The following SUSD4 variants were observed in gnomAD, a reference collection of about 807,000 sequenced individuals.
SUSD4 encodes sushi domain-containing protein 4.
In SUSD4, 41 loss-of-function variants were observed where a neutral mutation model predicts 50.5. The observed-to-expected ratio is 0.81, with a 90% CI of 0.63 to 1.05. The LOEUF is 1.05. Ranked by LOEUF, SUSD4 falls within the 50% of genes least tolerant of loss-of-function variation. The pLI is 0.00. For synonymous variants in SUSD4, 257 were observed against 257.3 expected, an observed-to-expected ratio of 1.00 and a Z score of 0.01; for missense variants, 580 against 634.7, an observed-to-expected ratio of 0.91 and a Z score of 0.93.
intron 5 of SUSD4, among the ~76,000 whole-genome samples, chr1:223,260,367 T>G (rs764717319): frequency 6.6e-6 from 1 of 152,246 alleles, no homozygotes; most frequent in Non-Finnish European, 1.5e-5. Flanking sequence ...AACTGAGTTC[T>G]TAGCACTTAA....
intron 2 of SUSD4, among the ~76,000 whole-genome samples, chr1:223,362,241 T>G (rs1277923004): frequency 6.6e-6 from 1 of 152,074 alleles, no homozygotes; most frequent in Non-Finnish European, 1.5e-5. Context: ...CTTTTGCTAA[T>G]TTTTCACTCA....
At position 223,227,593 on chromosome 1, in the gene SUSD4, C is replaced by T. The variant is rs1225024787; in HGVS notation, c.1061+1G>A. On this transcript the variant is annotated splice_donor_variant, in intron 7 of 8. Transcript: ENST00000366878. LOFTEE classifies it high-confidence loss of function. This position sits in a 1 kb window ranked among gnomAD's most constrained non-coding sequence, Gnocchi z 4.5. ...CACAGCTGCCAAGACATGACACTGA[C>T]CTGGGGGGAAAGTGGGCCTTGAACT... The T allele has an allele frequency of 6.2e-7, 1 of 1,613,544 alleles. No homozygotes were observed. Among genetic ancestry groups the T allele is most frequent in the East Asian group, 2.2e-5 (1 of 44,878 alleles).
At chr1:223,274,042 G>C (rs1663094918) in intron 3 of SUSD4, among the ~76,000 whole-genome samples, 1 of 152,054 alleles carries the variant, frequency 6.6e-6, no homozygotes, top group Admixed American at 6.5e-5. Flanking sequence ...ACAAGTGAGG[G>C]GGGTCTTGGG....
intron 2 of SUSD4, among the ~76,000 whole-genome samples, chr1:223,336,883 A>T (rs970460864): frequency 6.6e-6 from 1 of 152,138 alleles, no homozygotes; most frequent in Non-Finnish European, 1.5e-5. Context: ...TGCCATACTC[A>T]TGACTCCAGC....
At chr1:223,235,010 G>A in intron 5 of SUSD4, 1 of 1,610,980 alleles carries the variant, frequency 6.2e-7, no homozygotes, top group Non-Finnish European at 8.5e-7. Flanking sequence ...GGTGGGAGAG[G>A]ACTTTAACAC....
intron 2 of SUSD4, among the ~76,000 whole-genome samples, chr1:223,337,220 G>A (rs1667505502): frequency 6.6e-6 from 1 of 152,312 alleles, no homozygotes; most frequent in East Asian, 1.9e-4. Context: ...AATGCATGAA[G>A]AAATGAATGC....
intron 5 of SUSD4, among the ~76,000 whole-genome samples, chr1:223,245,884 T>C (rs1171928457): frequency 2.0e-5 from 3 of 152,184 alleles, no homozygotes; most frequent in Admixed American, 1.3e-4. Context: ...GGCTCGATTG[T>C]GGTACTACTG....
At chr1:223,264,849 T>TC in intron 4 of SUSD4, 31 bp from the exon 5 acceptor site, 1 of 1,604,368 alleles carries the variant, frequency 6.2e-7, no homozygotes, top group Non-Finnish European at 8.5e-7. Flanking sequence ...AGGGAAAGAT[T>TC]CCACTCTGTC....
rs72745907 is a variant in SUSD4, at chr1:223,286,777, T to A, written c.361+5662A>T. Among the ~76,000 whole-genome samples the A allele has an allele frequency of 7.9e-3, 1,205 of 152,282 alleles. 3 individuals carry two copies. The highest frequency in any genetic ancestry group is 0.013 in the Non-Finnish European group (910 of 68,014). Reference sequence around the variant, plus strand: ...TGAGTGCCTGGGGCTGGCCATCAGATGTAGAATGTCTCAAGCGTGTCATTT... The same window carrying A: ...TGAGTGCCTGGGGCTGGCCATCAGAAGTAGAATGTCTCAAGCGTGTCATTT... On this transcript the variant is annotated intron_variant, in intron 3 of 8. Coordinates refer to ENST00000366878, the MANE Select transcript of SUSD4 (RefSeq NM_017982.4).
At chr1:223,256,008 T>C (rs1661663749) in intron 5 of SUSD4, among the ~76,000 whole-genome samples, 1 of 152,126 alleles carries the variant, frequency 6.6e-6, no homozygotes, top group Non-Finnish European at 1.5e-5. Context: ...CAGTGGCCAC[T>C]TGGCACATTG....
chr1:223,346,265 T>C (rs1184269198), intron 2 of SUSD4, among the ~76,000 whole-genome samples: 1 of 152,072 alleles, frequency 6.6e-6, no homozygotes, highest in African/African-American at 2.4e-5. Context: ...GACTTAAACA[T>C]GCTCCTCCGT....
chr1:223,268,221 A>G (rs1036093005), intron 4 of SUSD4, among the ~76,000 whole-genome samples: 10 of 151,818 alleles, frequency 6.6e-5, no homozygotes, highest in Non-Finnish European at 1.5e-4. Context: ...GATATTTTGG[A>G]GTAAAAGAGA....
intron 2 of SUSD4, among the ~76,000 whole-genome samples, chr1:223,329,589 G>A (rs1667062154): frequency 6.6e-6 from 1 of 152,116 alleles, no homozygotes; most frequent in African/African-American, 2.4e-5. Flanking sequence ...TCCTGATTTG[G>A]CTCTGCATCC....
intron 2 of SUSD4, among the ~76,000 whole-genome samples, chr1:223,308,456 CA>C (rs1665680974): frequency 6.6e-6 from 1 of 152,160 alleles, no homozygotes; most frequent in South Asian, 2.1e-4. Context: ...ATGCTTCCTA[CA>C]CAGCCTGCAG....
intron 5 of SUSD4, among the ~76,000 whole-genome samples, chr1:223,245,099 T>C (rs1032196160): frequency 6.6e-6 from 1 of 152,158 alleles, no homozygotes; most frequent in Non-Finnish European, 1.5e-5. Flanking sequence ...GAAATCAATC[T>C]GACCTTGTCA....
At chr1:223,363,535 T>A (rs1432049759) in intron 1 of SUSD4, 75 bp from the exon 2 acceptor site, 1 of 1,350,014 alleles carries the variant, frequency 7.4e-7, no homozygotes, top group Non-Finnish European at 9.7e-7. Flanking sequence ...TCCTCCGCTC[T>A]GGGACCCGGC....
intron 2 of SUSD4, chr1:223,360,129 T>C (rs1558284067): frequency 4.4e-6 from 2 of 458,578 alleles, no homozygotes; most frequent in Non-Finnish European, 9.0e-6. Flanking sequence ...TCCCAAGTCC[T>C]GAGACCCCAA....
At chr1:223,275,564 G>C (rs1032857042) in intron 3 of SUSD4, among the ~76,000 whole-genome samples, 2 of 152,192 alleles carry the variant, frequency 1.3e-5, no homozygotes, top group African/African-American at 4.8e-5. Context: ...TCTGCTCATA[G>C]AGTGCACATG....
intron 2 of SUSD4, among the ~76,000 whole-genome samples, chr1:223,329,997 A>T (rs1382847209): frequency 1.3e-5 from 2 of 152,164 alleles, no homozygotes; most frequent in East Asian, 3.8e-4. Context: ...TGGACAGACA[A>T]ATGTGTGGAT....
Sources: gnomAD v4.1 joint callset for allele counts (sites outside exome capture counted in the v4.1 genomes callset) on GRCh38, gnomAD v4.1.1 for gene constraint, Gnocchi (gnomAD v3.1) non-coding constraint, MANE v1.5 for transcripts, NCBI Gene and HGNC (gene_info 2026-07-23, HGNC 2026-07-21) for gene names.